The following ELOVL6 variants were observed in gnomAD, a reference collection of about 807,000 sequenced individuals.
The protein encoded by ELOVL6 is ELOVL fatty acid elongase 6.
ELOVL6 carries 8 observed loss-of-function variants against 31.7 expected under a neutral mutation model. The ratio of observed to expected loss-of-function variants is 0.25; its 90% CI spans 0.15 to 0.45. The LOEUF (loss-of-function observed/expected upper bound fraction) is 0.45. ELOVL6 is among the 20% of genes least tolerant of loss of function. The pLI, the probability that ELOVL6 is intolerant of heterozygous loss-of-function variation, is 1.00. For missense variants in ELOVL6, 126 were observed against 326.4 expected, an observed-to-expected ratio of 0.39 and a Z score of 4.73; for synonymous variants, 101 against 117.7, an observed-to-expected ratio of 0.86 and a Z score of 0.92.
At chr4:110,093,915 A>G (rs556677276) in intron 2 of ELOVL6, among the ~76,000 whole-genome samples, 17 of 152,262 alleles carry the variant, frequency 1.1e-4, no homozygotes, top group African/African-American at 3.8e-4. Context: ...TCAAGGCCAA[A>G]TGTGAGCAAA....
At chr4:110,167,632 G>A (rs1375693949) in intron 1 of ELOVL6, among the ~76,000 whole-genome samples, 1 of 151,958 alleles carries the variant, frequency 6.6e-6, no homozygotes, top group Non-Finnish European at 1.5e-5. Context: ...TGGGACTACA[G>A]GGTGCCTGCC....
chr4:110,058,795 C>T (rs566313285), intron 3 of ELOVL6, among the ~76,000 whole-genome samples: 2 of 152,120 alleles, frequency 1.3e-5, no homozygotes, highest in South Asian at 4.2e-4. Context: ...ACCCAGAACC[C>T]CAGAGGTGAC....
intron 1 of ELOVL6, among the ~76,000 whole-genome samples, chr4:110,177,454 A>AAAT (rs141020839): frequency 0.043 from 6,498 of 151,260 alleles, 193 homozygotes; most frequent in South Asian, 0.11. Flanking sequence ...ATAAATTAAT[A>AAAT]AATAATAATA....
At chr4:110,060,736 G>A (rs777446323) in intron 2 of ELOVL6, among the ~76,000 whole-genome samples, 10 of 152,176 alleles carry the variant, frequency 6.6e-5, no homozygotes, top group South Asian at 2.1e-4. Context: ...GGCTGACCAT[G>A]TGGGGAAGAT....
intron 1 of ELOVL6, chr4:110,117,929 C>CTATCT (rs779127263): frequency 5.4e-5 from 1 of 18,668 alleles, no homozygotes; most frequent in Non-Finnish European, 1.2e-4. Context: ...TATATATCTC[C>CTATCT]CCAGAGAGGA....
intron 1 of ELOVL6, among the ~76,000 whole-genome samples, chr4:110,164,208 A>C (rs1234434502): frequency 4.6e-5 from 7 of 152,192 alleles, no homozygotes; most frequent in African/African-American, 1.7e-4. Context: ...AGGGAGGTTA[A>C]TGAATGTGCT....
intron 2 of ELOVL6, among the ~76,000 whole-genome samples, chr4:110,098,480 A>G (rs4698810): frequency 0.31 from 46,835 of 151,872 alleles, 8,280 homozygotes; most frequent in East Asian, 0.7. Context: ...ATTTTGTAAT[A>G]ACATGTTGTA....
At chr4:110,073,759 T>C (rs1755555914) in intron 2 of ELOVL6, among the ~76,000 whole-genome samples, 1 of 152,218 alleles carries the variant, frequency 6.6e-6, no homozygotes. Flanking sequence ...CTTTAGGGCT[T>C]TCCTGTCTTC....
At chr4:110,077,922 A>G (rs1755698491) in intron 2 of ELOVL6, among the ~76,000 whole-genome samples, 1 of 152,252 alleles carries the variant, frequency 6.6e-6, no homozygotes, top group Non-Finnish European at 1.5e-5. Flanking sequence ...AAACCAAGGC[A>G]TGAGAACTAC....
rs1243936364 is a variant in ELOVL6 at position 110,173,015 on chromosome 4, C to T, written c.89+25232G>A. ...TGCTTATGTTCCAGTGACACCTTCC[C>T]ATTTGTCTTGTGCTAAGTAAACCCA... On this transcript the variant is annotated intron_variant, in intron 1 of 3. Transcript: ENST00000302274. Among the ~76,000 whole-genome samples, 5 of 152,190 alleles carry T rather than the reference C, an allele frequency of 3.3e-5. No homozygotes were observed. In the South Asian group the frequency reaches 6.2e-4, roughly 19 times the overall value.
At chr4:110,158,199 T>C (rs1758509793) in intron 1 of ELOVL6, among the ~76,000 whole-genome samples, 1 of 152,174 alleles carries the variant, frequency 6.6e-6, no homozygotes, top group African/African-American at 2.4e-5. Context: ...CTGCTTTATA[T>C]TATGAAAAGT....
At chr4:110,070,984 TGATA>T (rs1435954322) in intron 2 of ELOVL6, among the ~76,000 whole-genome samples, 2 of 152,190 alleles carry the variant, frequency 1.3e-5, no homozygotes, top group Non-Finnish European at 2.9e-5. Context: ...ACTTGAACCA[TGATA>T]TATAACATTA....
chr4:110,171,089 T>C (rs1161034417), intron 1 of ELOVL6, among the ~76,000 whole-genome samples: 1 of 152,192 alleles, frequency 6.6e-6, no homozygotes, highest in East Asian at 1.9e-4. Flanking sequence ...CAGACAGGCC[T>C]TGCTGGGTTT....
At chr4:110,195,794 T>G (rs1048784218) in intron 1 of ELOVL6, among the ~76,000 whole-genome samples, 1 of 152,106 alleles carries the variant, frequency 6.6e-6, no homozygotes, top group Admixed American at 6.5e-5. Context: ...ACTGGACATT[T>G]TCTCAAGAAT....
chr4:110,116,057 G>C (rs1757160879), intron 1 of ELOVL6, among the ~76,000 whole-genome samples: 1 of 152,114 alleles, frequency 6.6e-6, no homozygotes, highest in Non-Finnish European at 1.5e-5. Context: ...GGGCCCACCA[G>C]ATAATCCAGG....
chr4:110,105,645 A>C lies in ELOVL6; in HGVS notation c.90-17T>G. On this transcript the variant is annotated splice_polypyrimidine_tract_variant and intron_variant, in intron 1 of 3. Coordinates refer to ENST00000302274, the MANE Select transcript of ELOVL6 (RefSeq NM_024090.3). Reference sequence around the variant, plus strand: ...GATTTCTTCCTGCAAACAAGCAAACAAAATCTTTAAGATATTTTTAGTCAT... The same window carrying C: ...GATTTCTTCCTGCAAACAAGCAAACCAAATCTTTAAGATATTTTTAGTCAT... The C allele has an allele frequency of 6.2e-7, 1 of 1,605,610 alleles. No individual in the cohort carries two copies. Among genetic ancestry groups the C allele is most frequent in the Non-Finnish European group, 8.5e-7 (1 of 1,175,972 alleles).
chr4:110,160,709 A>G (rs1413276395), intron 1 of ELOVL6, among the ~76,000 whole-genome samples: 2 of 152,242 alleles, frequency 1.3e-5, no homozygotes, highest in Non-Finnish European at 2.9e-5. Context: ...ATTGTTTTCT[A>G]TAGAAAGTTT....
At chr4:110,165,240 C>G (rs1758742206) in intron 1 of ELOVL6, among the ~76,000 whole-genome samples, 1 of 152,158 alleles carries the variant, frequency 6.6e-6, no homozygotes, top group Non-Finnish European at 1.5e-5. Context: ...ACCAGGGCAC[C>G]TGTTTAGTGG....
intron 2 of ELOVL6, among the ~76,000 whole-genome samples, chr4:110,103,757 A>G (rs887914572): frequency 2.7e-5 from 4 of 148,956 alleles, no homozygotes; most frequent in Admixed American, 2.7e-4. Flanking sequence ...GAGGAAATCT[A>G]TAAGCCAAAA....
Sources: gnomAD v4.1 joint callset for allele counts (sites outside exome capture counted in the v4.1 genomes callset) on GRCh38, gnomAD v4.1.1 for gene constraint, MANE v1.5 for transcripts, NCBI Gene and HGNC (gene_info 2026-07-23, HGNC 2026-07-21) for gene names.